Variants in FOCAD observed in about 807,000 individuals in gnomAD.
The protein encoded by FOCAD is focadhesin, also known as KIAA1797.
Under a neutral mutation model 225.6 loss-of-function variants are expected in FOCAD, and 198 were observed. The ratio of observed to expected loss-of-function variants is 0.88; its 90% confidence interval spans 0.78 to 0.99. The LOEUF is 0.99. FOCAD is among the 50% of genes least tolerant of loss of function. FOCAD has a pLI of 0.00. For synonymous variants in FOCAD, 897 were observed against 755.0 expected (o/e 1.19, Z -3.08); for missense variants, 2,713 against 2,123.6 (o/e 1.28, Z -5.46).
At chr9:20,888,320 G>A (rs887887705) in intron 21 of FOCAD, among the ~76,000 whole-genome samples, 2 of 151,582 alleles carry the variant, frequency 1.3e-5, no homozygotes, top group Non-Finnish European at 2.9e-5. Context: ...TGTATTTTTA[G>A]TAGAGACGGG....
rs1316592083 is a variant in FOCAD at position 20,791,219 on chromosome 9, GCACACACACACACACACTCACACACA to G, written c.1455+1629_1455+1654del. On this transcript the variant is annotated intron_variant, in intron 11 of 43. Transcript: ENST00000338382. ...ATATTGCATCTATATATATATGCAT[GCACACACACACACACACTCACACACA>G]CACACACACACACACACAGGAAATT... Among the ~76,000 whole-genome samples, 345 of 106,836 alleles carry G rather than the reference GCACACACACACACACACTCACACACA, an allele frequency of 3.2e-3. 1 individual carries two copies. The highest frequency in any genetic ancestry group is 0.011 in the African/African-American group (337 of 30,934). 70.1% of individuals were successfully genotyped at this position (106,836 alleles called of 152,430 possible). A position where few individuals can be genotyped will look rare whatever the true frequency, so the allele number is the denominator to read the frequency against.
chr9:20,715,394 C>G lies in FOCAD; in HGVS notation c.41C>G (p.Ser14Cys), dbSNP rs373704473. Residue 14 changes from serine to cysteine, a missense_variant, in exon 2 of 44, where the codon TCT becomes TGT. Coordinates refer to ENST00000338382, the MANE Select transcript of FOCAD (RefSeq NM_001375567.1). The stretch of plus-strand genomic sequence containing the variant: ...AGGAAAAGGTTTGAATTTCCAAATT[C>G]TCTTATCCAATCACAGGTAATTTTG... ...DIRKRFEFPN[S>C]LIQSQAVGHL... 5 of 1,517,520 alleles carry G rather than the reference C, an allele frequency of 3.3e-6. No homozygotes were observed. The highest frequency in any genetic ancestry group is 2.8e-5 in the South Asian group (2 of 71,338). 94.0% of individuals were successfully genotyped at this position (1,517,520 alleles called of 1,614,324 possible). A position where few individuals can be genotyped will look rare whatever the true frequency, so the allele number is the denominator to read the frequency against.
intron 10 of FOCAD, chr9:20,786,870 C>A: frequency 9.4e-6 from 2 of 213,320 alleles, no homozygotes; most frequent in South Asian, 1.3e-4. Flanking sequence ...ATATAATTCA[C>A]ATAACATAAA....
At chr9:20,948,816 T>C in intron 31 of FOCAD, 35 bp from the exon 32 acceptor site, 1 of 1,606,578 alleles carries the variant, frequency 6.2e-7, no homozygotes, top group Non-Finnish European at 8.5e-7. Flanking sequence ...CAAGGACTGA[T>C]TCCCTCTTTT....
intron 1 of FOCAD, among the ~76,000 whole-genome samples, chr9:20,695,547 C>T (rs376378918): frequency 2.6e-5 from 4 of 152,116 alleles, no homozygotes; most frequent in African/African-American, 7.2e-5. Flanking sequence ...CATTTATACA[C>T]GTACACAGTC....
intron 35 of FOCAD, among the ~76,000 whole-genome samples, chr9:20,969,564 T>C (rs1370015090): frequency 6.6e-6 from 1 of 152,092 alleles, no homozygotes; most frequent in Non-Finnish European, 1.5e-5. Context: ...AAAGTTCTAT[T>C]TCTCCCTTTC....
At chr9:20,944,878 C>A (rs1326975514) in intron 29 of FOCAD, 104 bp downstream of exon 29, 10 of 1,227,900 alleles carry the variant, frequency 8.1e-6, no homozygotes, top group Admixed American at 2.9e-5. Flanking sequence ...AAATTAAATT[C>A]TTCCTCAAAG....
At chr9:20,732,220 T>G (rs975846257) in intron 4 of FOCAD, among the ~76,000 whole-genome samples, 1 of 152,220 alleles carries the variant, frequency 6.6e-6, no homozygotes, top group African/African-American at 2.4e-5. Flanking sequence ...ATTGCCATAA[T>G]TGCCTAGTTA....
At chr9:20,927,883 G>A (rs1458898317) in intron 26 of FOCAD, 3 of 151,424 alleles carry the variant, frequency 2.0e-5, no homozygotes, top group Non-Finnish European at 4.4e-5. Context: ...CTGCCCTTGG[G>A]AAGATCTGGT....
At chr9:20,880,648 T>C (rs560776996) in intron 19 of FOCAD, among the ~76,000 whole-genome samples, 34 of 152,260 alleles carry the variant, frequency 2.2e-4, no homozygotes, top group Admixed American at 1.8e-3. Context: ...CTTGATTGCA[T>C]CTAGGAGGGT....
intron 23 of FOCAD, among the ~76,000 whole-genome samples, chr9:20,914,536 G>C (rs1833716267): frequency 6.6e-6 from 1 of 152,140 alleles, no homozygotes; most frequent in African/African-American, 2.4e-5. Context: ...GAAGGAAGTG[G>C]TGGAGTGAGC....
intron 21 of FOCAD, among the ~76,000 whole-genome samples, chr9:20,888,252 C>T (rs945978790): frequency 6.6e-6 from 1 of 151,274 alleles, no homozygotes; most frequent in African/African-American, 2.4e-5. Context: ...GATTCTCCCA[C>T]CTCAGTCTCC....
At chr9:20,826,452 G>A (rs2131460817) in intron 15 of FOCAD, among the ~76,000 whole-genome samples, 1 of 152,152 alleles carries the variant, frequency 6.6e-6, no homozygotes, top group African/African-American at 2.4e-5. Flanking sequence ...CACGGATGAA[G>A]GCTACACTGT....
chr9:20,806,489 TAA>T (rs1051297817), intron 11 of FOCAD, among the ~76,000 whole-genome samples: 1 of 152,110 alleles, frequency 6.6e-6, no homozygotes, highest in African/African-American at 2.4e-5. Flanking sequence ...GCAGTAGCCA[TAA>T]GACAAGCTAC....
chr9:20,728,158 G>T (rs1264355115), intron 4 of FOCAD, among the ~76,000 whole-genome samples: 1 of 152,010 alleles, frequency 6.6e-6, no homozygotes, highest in Admixed American at 6.6e-5. Context: ...AATTTTTTTT[G>T]AATCTTCAAC....
intron 35 of FOCAD, among the ~76,000 whole-genome samples, chr9:20,973,184 T>G (rs1839916091): frequency 6.6e-6 from 1 of 151,764 alleles, no homozygotes; most frequent in South Asian, 2.1e-4. Flanking sequence ...CTATTTAACC[T>G]TCTGCTGACT....
At chr9:20,876,565 G>A (rs1476988293) in intron 19 of FOCAD, among the ~76,000 whole-genome samples, 1 of 152,164 alleles carries the variant, frequency 6.6e-6, no homozygotes, top group Non-Finnish European at 1.5e-5. Context: ...GACTGAGAAA[G>A]AAGGGGAAGA....
intron 1 of FOCAD, among the ~76,000 whole-genome samples, chr9:20,687,308 G>C (rs916439256): frequency 6.6e-6 from 1 of 152,190 alleles, no homozygotes; most frequent in African/African-American, 2.4e-5. Context: ...CTCCTAAACT[G>C]GAGAAGGTAT....
intron 19 of FOCAD, chr9:20,875,562 C>G (rs1157026790): frequency 1.3e-5 from 2 of 150,246 alleles, no homozygotes; most frequent in Non-Finnish European, 2.9e-5. Flanking sequence ...CCACTGCATT[C>G]CAGCCTAGGT....
Sources: allele counts gnomAD v4.1 joint callset (sites outside exome capture counted in the v4.1 genomes callset), GRCh38; gene constraint gnomAD v4.1.1; transcripts MANE v1.5; gene names NCBI Gene and HGNC (gene_info 2026-07-23, HGNC 2026-07-21).